Variants in ZC3H18 observed in about 807,000 individuals in gnomAD.
The protein encoded by ZC3H18 is zinc finger CCCH-type containing 18.
Under a neutral mutation model 106.1 loss-of-function variants are expected in ZC3H18, and 8 were observed. The observed-to-expected ratio is 0.08, with a 90% CI of 0.04 to 0.14. ZC3H18 has a LOEUF of 0.14. Ranked by LOEUF, ZC3H18 falls within the 10% of genes least tolerant of loss-of-function variation. The pLI is 1.00. For synonymous variants in ZC3H18, 635 were observed against 522.1 expected, an observed-to-expected ratio of 1.22 and a Z score of -2.95; for missense variants, 1,318 against 1,278.4, an observed-to-expected ratio of 1.03 and a Z score of -0.47.
chr16:88,589,786 C>G (rs1189877025), intron 3 of ZC3H18, among the ~76,000 whole-genome samples: 1 of 152,150 alleles, frequency 6.6e-6, no homozygotes, highest in Non-Finnish European at 1.5e-5. Context: ...TAGATTGATT[C>G]CTCGTTGCCT....
intron 9 of ZC3H18, 191 bp downstream of exon 9, chr16:88,622,579 C>G: frequency 3.1e-6 from 2 of 640,954 alleles, no homozygotes; most frequent in South Asian, 2.3e-5. Context: ...CCAAGTAGGA[C>G]TGACGCAGTG....
intron 8 of ZC3H18, 115 bp from the exon 9 acceptor site, chr16:88,622,082 G>A: frequency 1.6e-6 from 2 of 1,258,868 alleles, no homozygotes; most frequent in Non-Finnish European, 2.2e-6. Flanking sequence ...TGTTTCTCAG[G>A]TGATCCTTAA....
At chr16:88,623,152 C>A (rs918508034) in intron 9 of ZC3H18, 67 bp from the exon 10 acceptor site, 25 of 1,568,698 alleles carry the variant, frequency 1.6e-5, no homozygotes, top group Middle Eastern at 1.7e-4. Context: ...TGCATGTGTG[C>A]GTCAGGGCGT....
In ZC3H18 at chr16:88,627,767, A is replaced by C. The variant is rs951230213; in HGVS notation, c.2254A>C (p.Thr752Pro). Reference sequence around the variant, plus strand: ...CTCTCGGTCCCCGGCCCCAGCCCAGACCAGGAAGGAGAAAGGTACTCAGGA... The same window carrying C: ...CTCTCGGTCCCCGGCCCCAGCCCAGCCCAGGAAGGAGAAAGGTACTCAGGA... ...ASSRSPAPAQTRKEKGKSKKE... is the reference protein window; with the variant it reads ...ASSRSPAPAQPRKEKGKSKKE... The change falls in exon 14 of 18, where the codon ACC (threonine) becomes CCC (proline). Residue 752 changes from threonine to proline, a missense_variant. This residue lies in a region of ZC3H18 where 848 missense variants were observed against 821.7 expected (regional missense o/e 1.03). Transcript: ENST00000301011. This position sits in a 1 kb window ranked among gnomAD's most constrained non-coding sequence, Gnocchi z 4.5. The C allele has an allele frequency of 5.6e-6, 9 of 1,605,456 alleles. No homozygotes were observed. Among genetic ancestry groups the C allele is most frequent in the Middle Eastern group, 1.7e-4 (1 of 6,046 alleles).
At chr16:88,586,824 G>C in intron 3 of ZC3H18, 140 bp downstream of exon 3, 1 of 634,432 alleles carries the variant, frequency 1.6e-6, no homozygotes, top group East Asian at 2.8e-5. Context: ...GGTGGTGGTG[G>C]TGGTGGTGGT....
At chr16:88,624,405 G>T in intron 11 of ZC3H18, 197 bp from the exon 12 acceptor site, 1 of 849,140 alleles carries the variant, frequency 1.2e-6, no homozygotes, top group Non-Finnish European at 1.8e-6. Context: ...GCCTGGAAGG[G>T]CTGCTGGGGG....
At chr16:88,589,581 A>G (rs1318357385) in intron 3 of ZC3H18, among the ~76,000 whole-genome samples, 2 of 152,298 alleles carry the variant, frequency 1.3e-5, no homozygotes, top group Admixed American at 1.3e-4. Context: ...CAGAGACAGA[A>G]AGCAGATTGT....
chr16:88,623,905 CTGG>C lies in ZC3H18; in HGVS notation c.1794-50_1794-48del, dbSNP rs1906126146. On this transcript the variant is annotated intron_variant, in intron 10 of 17. Coordinates refer to ENST00000301011, the MANE Select transcript of ZC3H18 (RefSeq NM_144604.4). ...TGGGTGGGTCCTCAGTGGGCTTGGGCTGGTGAAGAAACACCCCCAGGCCCCTTC... is the reference window on the plus strand; with the variant it reads ...TGGGTGGGTCCTCAGTGGGCTTGGGCTGAAGAAACACCCCCAGGCCCCTTC... 5 of 1,552,238 alleles carry C rather than the reference CTGG, an allele frequency of 3.2e-6. No individual in the cohort carries two copies. In the African/African-American group the frequency reaches 6.9e-5, roughly 21 times the overall value.
intron 1 of ZC3H18, chr16:88,571,748 G>T (rs2142505251): frequency 1.1e-6 from 1 of 917,238 alleles, no homozygotes; most frequent in South Asian, 5.0e-5. Context: ...CTCAAGGTGA[G>T]TACCTCTTTA....
Position 88,624,058 on chromosome 16 carries a change from G to A in ZC3H18, c.1894G>A (p.Ala632Thr), listed in dbSNP as rs1189919209. 1.3e-6 allele frequency: 2 copies of A among 1,599,590 alleles called. No homozygotes were observed. The highest frequency in any genetic ancestry group is 2.3e-5 in the East Asian group (1 of 43,960). ...AGAGCCGGCCCCGCCGCCCGGGAAA[G>A]CAGGGTGAGTGCCCAGCCTGTGGGC... ...KGEPAPPPGK[A>T]GEKSVKKPAP... The change falls in exon 11 of 18, where the codon GCA (alanine) becomes ACA (threonine). Residue 632 changes from alanine (A) to threonine (T), a missense_variant. Coordinates refer to ENST00000301011, the MANE Select transcript of ZC3H18 (RefSeq NM_144604.4).
Position 88,627,618 on chromosome 16 carries a change from C to A in ZC3H18, c.2109-4C>A. 1 of 1,598,214 alleles carries A rather than the reference C, an allele frequency of 6.3e-7. No homozygotes were observed. The highest frequency in any genetic ancestry group is 8.6e-7 in the Non-Finnish European group (1 of 1,168,034). On this transcript the variant is annotated splice_region_variant and splice_polypyrimidine_tract_variant and intron_variant, in intron 13 of 17. Coordinates refer to ENST00000301011, the MANE Select transcript of ZC3H18 (RefSeq NM_144604.4). The surrounding 1 kb of genome is among the most constrained non-coding windows in gnomAD (Gnocchi z 4.5). ...GGTGTGGTGAGATGTGCTTGTGTGT[C>A]CAGGTCCCTGAGCGTGAGCAGCGTC...
chr16:88,616,148 CT>C (rs1366220070), intron 8 of ZC3H18, among the ~76,000 whole-genome samples: 1 of 152,230 alleles, frequency 6.6e-6, no homozygotes, highest in Non-Finnish European at 1.5e-5. Context: ...ACAGAGGAGT[CT>C]TACATTCAGG....
At chr16:88,583,812 G>C (rs188775521) in intron 2 of ZC3H18, among the ~76,000 whole-genome samples, 8 of 152,060 alleles carry the variant, frequency 5.3e-5, no homozygotes, top group African/African-American at 1.2e-4. Context: ...GGCACCATCC[G>C]TTTTTAGGCC....
At chr16:88,572,830 T>C (rs1303060581) in intron 1 of ZC3H18, among the ~76,000 whole-genome samples, 1 of 152,046 alleles carries the variant, frequency 6.6e-6, no homozygotes, top group African/African-American at 2.4e-5. Flanking sequence ...TGATCTCGGC[T>C]CACTGCAACC....
At position 88,628,030 on chromosome 16, in the gene ZC3H18, C is replaced by A. The variant is rs771563844; in HGVS notation, c.2380C>A (p.Pro794Thr). 3 of 1,614,174 alleles carry A rather than the reference C, an allele frequency of 1.9e-6. No homozygotes were observed. Reference protein sequence around the residue: ...PPAGGKSSQQPSTPQQAPPGQ... With the variant: ...PPAGGKSSQQTSTPQQAPPGQ... ...AGCAGGGGGGAAGTCCTCCCAGCAG[C>A]CCTCGACACCCCAGCAGGCACCCCC... is the stretch of plus-strand genomic sequence containing the variant. The change falls in exon 15 of 18, where the codon CCC becomes ACC. Residue 794 changes from proline (P) to threonine (T), a missense_variant. Pro to Thr is a conservative substitution (Grantham distance 38). Around this residue, in one of 6 missense-constraint regions of ZC3H18, gnomAD observed 848 missense variants for 821.7 expected, o/e 1.03. Transcript: ENST00000301011.
Position 88,624,895 on chromosome 16 carries a change from C to T in ZC3H18, c.2042+150C>T, listed in dbSNP as rs550108229. The T allele has an allele frequency of 3.8e-5, 47 of 1,221,868 alleles. No individual in the cohort carries two copies. In the African/African-American group the frequency reaches 5.0e-4, roughly 13 times the overall value. 75.7% of individuals were successfully genotyped at this position (1,221,868 alleles called of 1,614,324 possible). On this transcript the variant is annotated intron_variant, in intron 12 of 17. Coordinates refer to ENST00000301011, the MANE Select transcript of ZC3H18 (RefSeq NM_144604.4). ...GAGCAGCACCCAGTGAGCCCTTACC[C>T]GGGAACCTGCCCTGTCCCCTCCCTG...
chr16:88,614,978 C>T (rs1391991365), intron 8 of ZC3H18, among the ~76,000 whole-genome samples: 1 of 149,516 alleles, frequency 6.7e-6, no homozygotes, highest in Non-Finnish European at 1.5e-5. Flanking sequence ...CTCCTGTTCC[C>T]TCTGCCCAGA....
intron 2 of ZC3H18, 47 bp downstream of exon 2, chr16:88,577,773 C>T (rs374826989): frequency 1.2e-6 from 2 of 1,611,040 alleles, no homozygotes; most frequent in East Asian, 4.5e-5. Context: ...GCCCAGCAGC[C>T]TGACATAGAC....
intron 3 of ZC3H18, among the ~76,000 whole-genome samples, chr16:88,595,337 G>A (rs1048682450): frequency 6.6e-6 from 1 of 152,212 alleles, no homozygotes; most frequent in Non-Finnish European, 1.5e-5. Context: ...CTGAGGCCAT[G>A]TCTGTGTACA....
Sources: gnomAD v4.1 joint callset for allele counts (sites outside exome capture counted in the v4.1 genomes callset) on GRCh38, gnomAD v4.1.1 for gene constraint, gnomAD v4.1.1 regional missense constraint, Gnocchi (gnomAD v3.1) non-coding constraint, MANE v1.5 for transcripts, NCBI Gene and HGNC (gene_info 2026-07-23, HGNC 2026-07-21) for gene names.